TRMT11: variants seen among roughly 807,000 people sequenced by gnomAD.
The protein encoded by TRMT11 is tRNA methyltransferase 11, also known as tRNA (guanine(10)-N(2))-methyltransferase TRMT11.
A neutral mutation model predicts 62.8 loss-of-function variants in TRMT11; 53 were observed. That is an observed-to-expected ratio of 0.84 (90% CI 0.68 to 1.06). The LOEUF (loss-of-function observed/expected upper bound fraction) is 1.06, where lower values mean the gene tolerates loss of function less well. Ranked by LOEUF, TRMT11 falls within the 50% of genes least tolerant of loss-of-function variation. The pLI is 0.00. For missense variants in TRMT11, 556 were observed against 553.4 expected (o/e 1.00, Z -0.05); for synonymous variants, 188 against 190.3 (o/e 0.99, Z 0.10).
chr6:126,190,457 T>G (rs1778584734), intron 1 of TRMT11, among the ~76,000 whole-genome samples: 1 of 152,162 alleles, frequency 6.6e-6, no homozygotes, highest in Non-Finnish European at 1.5e-5. Context: ...CCCCTTCACC[T>G]TCCACCATGA....
intron 12 of TRMT11, among the ~76,000 whole-genome samples, chr6:126,036,830 G>C (rs1775278373): frequency 6.6e-6 from 1 of 152,036 alleles, no homozygotes. Context: ...TTAAATGGTG[G>C]AACATTGTTC....
downstream of TRMT11, among the ~76,000 whole-genome samples, chr6:126,203,415 T>C (rs1300042640): frequency 6.6e-6 from 1 of 152,202 alleles, no homozygotes; most frequent in Non-Finnish European, 1.5e-5. Context: ...TCAGTAAATT[T>C]GTACCCTTCC....
intron 21 of TRMT11, among the ~76,000 whole-genome samples, chr6:126,163,058 C>G (rs1472284102): frequency 6.6e-6 from 1 of 152,120 alleles, no homozygotes; most frequent in Non-Finnish European, 1.5e-5. Context: ...ATTTTGTTCT[C>G]TTGCCTGTTT....
chr6:126,107,928 G>A (rs564709156), intron 17 of TRMT11, among the ~76,000 whole-genome samples: 27 of 152,018 alleles, frequency 1.8e-4, no homozygotes, highest in South Asian at 6.2e-4. Context: ...TTTGGCATAG[G>A]GTGCCAAGGA....
At chr6:126,239,817 C>G in the TRMT11 span, among the ~76,000 whole-genome samples, 1 of 152,188 alleles carries the variant, frequency 6.6e-6, no homozygotes, top group African/African-American at 2.4e-5. Context: ...CAACTTGGTT[C>G]CATTCTCCCT....
At chr6:126,086,652 T>C (rs1376556278) in intron 17 of TRMT11, among the ~76,000 whole-genome samples, 2 of 152,210 alleles carry the variant, frequency 1.3e-5, no homozygotes, top group African/African-American at 4.8e-5. Flanking sequence ...CAATTCCATG[T>C]TGTTACAGAG....
At chr6:126,270,792 T>A in the TRMT11 span, among the ~76,000 whole-genome samples, 1 of 152,218 alleles carries the variant, frequency 6.6e-6, no homozygotes, top group African/African-American at 2.4e-5. Flanking sequence ...TTCTGAATTG[T>A]TCCTTGTTAC....
chr6:126,268,730 T>C, the TRMT11 span, among the ~76,000 whole-genome samples: 12 of 152,202 alleles, frequency 7.9e-5, no homozygotes, highest in Non-Finnish European at 1.3e-4. Flanking sequence ...TTTTATTCAA[T>C]CCAAGTTACT....
At chr6:126,104,846 T>G (rs1309134184) in intron 17 of TRMT11, among the ~76,000 whole-genome samples, 1 of 152,220 alleles carries the variant, frequency 6.6e-6, no homozygotes, top group Non-Finnish European at 1.5e-5. Flanking sequence ...CTTTTTTCAT[T>G]GAAACCTAAT....
chr6:126,207,913 A>T (rs1178955066), downstream of TRMT11, among the ~76,000 whole-genome samples: 1 of 152,246 alleles, frequency 6.6e-6, no homozygotes, highest in South Asian at 2.1e-4. Context: ...TAGAAAAATA[A>T]ATCTGCCTGG....
chr6:126,228,510 T>C, the TRMT11 span, among the ~76,000 whole-genome samples: 1 of 152,220 alleles, frequency 6.6e-6, no homozygotes, highest in Non-Finnish European at 1.5e-5. Context: ...TTAATTTCCC[T>C]GAAAATTTAA....
At chr6:126,270,551 AGTATT>A in the TRMT11 span, among the ~76,000 whole-genome samples, 1 of 152,202 alleles carries the variant, frequency 6.6e-6, no homozygotes, top group Non-Finnish European at 1.5e-5. Context: ...ATTAGATAAA[AGTATT>A]GTATCAATGT....
At chr6:126,179,118 A>T (rs1477172691) in intron 1 of TRMT11, among the ~76,000 whole-genome samples, 1 of 152,130 alleles carries the variant, frequency 6.6e-6, no homozygotes, top group Non-Finnish European at 1.5e-5. Flanking sequence ...TCAGAGGTAT[A>T]CTATACCTCC....
chr6:126,268,509 C>T, the TRMT11 span, among the ~76,000 whole-genome samples: 4 of 152,236 alleles, frequency 2.6e-5, no homozygotes, highest in Admixed American at 2.0e-4. Flanking sequence ...GTTCTGAACT[C>T]GCATCTTTGG....
Position 126,202,152 on chromosome 6 carries a change from T to C in TRMT11, n.496T>C, listed in dbSNP as rs1244902800. On this transcript the variant is annotated non_coding_transcript_exon_variant, in exon 4 of 4. Transcript: ENST00000444229. Reference sequence around the variant, plus strand: ...ACTCATATGTAGCCCTGGTACATAATGCAGTGTCTGGTATATAGTAGGTGC... The same window carrying C: ...ACTCATATGTAGCCCTGGTACATAACGCAGTGTCTGGTATATAGTAGGTGC... 2.0e-5 allele frequency: 3 copies of C among 152,194 alleles called. No homozygotes were observed. In the South Asian group the frequency reaches 6.2e-4, roughly 31 times the overall value. The allele number at this position is 152,194 out of a possible 1,614,324, so 9.4% of individuals were successfully genotyped here. A position where few individuals can be genotyped will look rare whatever the true frequency, so the allele number is the denominator to read the frequency against.
intron 12 of TRMT11, among the ~76,000 whole-genome samples, chr6:126,026,996 C>T (rs1026215894): frequency 1.3e-5 from 2 of 151,534 alleles, no homozygotes; most frequent in East Asian, 3.9e-4. Context: ...TTAGTAGAGA[C>T]GGGGTTTCAC....
chr6:126,051,275 GGAGGAGGTAAT>G (rs2128108377), intron 16 of TRMT11, among the ~76,000 whole-genome samples: 1 of 152,278 alleles, frequency 6.6e-6, no homozygotes, highest in South Asian at 2.1e-4. Flanking sequence ...GAAAGATCCG[GGAGGAGGTAAT>G]GATGTGTGAG....
At chr6:126,135,109 C>T (rs1156915040) in intron 21 of TRMT11, among the ~76,000 whole-genome samples, 1 of 151,086 alleles carries the variant, frequency 6.6e-6, no homozygotes, top group African/African-American at 2.4e-5. Flanking sequence ...CAAATCAAAC[C>T]CCAAAATAGT....
In TRMT11 at chr6:126,013,005, A is replaced by C. The variant is rs764107341; in HGVS notation, c.1043A>C (p.His348Pro). ...CATGTTCCTGTTTCCTTGAGTTATCATCTGAGTGATATGTTTCTTGACCTG... is the reference window on the plus strand; with the variant it reads ...CATGTTCCTGTTTCCTTGAGTTATCCTCTGAGTGATATGTTTCTTGACCTG... The part of the protein sequence containing the change: ...ESHVPVSLSY[H>P]LSDMFLDLLN... The change falls in exon 11 of 13, where the codon CAT becomes CCT. Residue 348 changes from histidine to proline, a missense_variant. Physicochemically the swap from His to Pro is moderately conservative, Grantham distance 77. Transcript: ENST00000334379. The C allele has an allele frequency of 3.1e-6, 5 of 1,613,678 alleles. No homozygotes were observed. In the African/African-American group the frequency reaches 6.7e-5, roughly 22 times the overall value.
Sources: gnomAD v4.1 joint callset for allele counts (sites outside exome capture counted in the v4.1 genomes callset) on GRCh38, gnomAD v4.1.1 for gene constraint, MANE v1.5 for transcripts, NCBI Gene and HGNC (gene_info 2026-07-23, HGNC 2026-07-21) for gene names.